Variants in ACKR2 observed in about 807,000 individuals in gnomAD.
ACKR2 encodes atypical chemokine receptor 2, also known as C-C chemokine receptor D6.
For missense variants in ACKR2, 457 were observed against 477.3 expected (o/e 0.96, Z 0.40); for synonymous variants, 207 against 192.2 (o/e 1.08, Z -0.64).
At chr3:42,827,336 A>G (rs192675923) in intron 2 of ACKR2, among the ~76,000 whole-genome samples, 3 of 152,212 alleles carry the variant, frequency 2.0e-5, no homozygotes, top group Non-Finnish European at 4.4e-5. Flanking sequence ...AGTAAAATGT[A>G]GTTTCTTCAT....
chr3:42,859,523 C>T (rs1357162141), intron 2 of ACKR2, among the ~76,000 whole-genome samples: 6 of 151,942 alleles, frequency 3.9e-5, no homozygotes, highest in African/African-American at 7.3e-5. Context: ...GGACTAGAGG[C>T]GCCCGCCACC....
intron 2 of ACKR2, among the ~76,000 whole-genome samples, chr3:42,830,721 T>C (rs1700923600): frequency 6.6e-6 from 1 of 151,942 alleles, no homozygotes; most frequent in African/African-American, 2.4e-5. Flanking sequence ...AAGTCTTTGT[T>C]GCTTCAGGCA....
intron 2 of ACKR2, among the ~76,000 whole-genome samples, chr3:42,820,444 T>C (rs1436269650): frequency 6.6e-6 from 1 of 151,682 alleles, no homozygotes; most frequent in Admixed American, 6.6e-5. Flanking sequence ...ATACAAAAAA[T>C]TAGCCAGATG....
At chr3:42,809,814 A>G (rs1700676306) in intron 1 of ACKR2, among the ~76,000 whole-genome samples, 1 of 151,790 alleles carries the variant, frequency 6.6e-6, no homozygotes, top group Admixed American at 6.6e-5. Context: ...GTGACCCGAG[A>G]TCGCGCCACT....
intron 2 of ACKR2, among the ~76,000 whole-genome samples, chr3:42,845,528 A>AT (rs372665346): frequency 1.3e-5 from 2 of 152,196 alleles, no homozygotes; most frequent in Non-Finnish European, 2.9e-5. Flanking sequence ...TATCTGGCTA[A>AT]TTTTTTTGTA....
chr3:42,826,905 G>A (rs1206289348), intron 2 of ACKR2, among the ~76,000 whole-genome samples: 1 of 151,978 alleles, frequency 6.6e-6, no homozygotes, highest in Non-Finnish European at 1.5e-5. Flanking sequence ...CCATAAGTTT[G>A]GTACATTTTA....
intron 1 of ACKR2, among the ~76,000 whole-genome samples, chr3:42,815,410 C>T (rs1229940125): frequency 6.6e-6 from 1 of 152,128 alleles, no homozygotes; most frequent in Non-Finnish European, 1.5e-5. Flanking sequence ...TGGCTAGGGG[C>T]CAGGCCATCA....
chr3:42,810,034 G>A (rs1335854013), intron 1 of ACKR2, among the ~76,000 whole-genome samples: 2 of 152,112 alleles, frequency 1.3e-5, no homozygotes, highest in East Asian at 1.9e-4. Context: ...TGCTTCTGAG[G>A]CCTTCACTTT....
chr3:42,846,312 T>G (rs1487837152), intron 2 of ACKR2, among the ~76,000 whole-genome samples: 1 of 152,198 alleles, frequency 6.6e-6, no homozygotes, highest in Non-Finnish European at 1.5e-5. Flanking sequence ...AACTGTTGAT[T>G]AGCTGTCAGC....
intron 1 of ACKR2, among the ~76,000 whole-genome samples, chr3:42,814,756 T>C (rs946305902): frequency 1.3e-5 from 2 of 152,182 alleles, no homozygotes; most frequent in Admixed American, 1.3e-4. Flanking sequence ...TAATTTATAA[T>C]CTAAGTAGGT....
chr3:42,820,822 G>T (rs1299373365), intron 2 of ACKR2, among the ~76,000 whole-genome samples: 2 of 151,678 alleles, frequency 1.3e-5, no homozygotes, highest in Non-Finnish European at 2.9e-5. Flanking sequence ...CTGGGCTAAG[G>T]TGCAGCTTGT....
At chr3:42,831,810 C>T (rs1700934607) in intron 2 of ACKR2, among the ~76,000 whole-genome samples, 1 of 152,208 alleles carries the variant, frequency 6.6e-6, no homozygotes, top group South Asian at 2.1e-4. Flanking sequence ...TTTCCCTGTT[C>T]AACTTACTGT....
At chr3:42,839,573 G>A (rs1007638) in intron 2 of ACKR2, among the ~76,000 whole-genome samples, 58,196 of 152,020 alleles carry the variant, frequency 0.38, 11,863 homozygotes, top group East Asian at 0.67. Context: ...AAAAGAATAT[G>A]TTCTATACGA....
At chr3:42,809,807 A>G (rs1700676143) in intron 1 of ACKR2, among the ~76,000 whole-genome samples, 1 of 151,506 alleles carries the variant, frequency 6.6e-6, no homozygotes, top group Non-Finnish European at 1.5e-5. Context: ...GGTTGCAGTG[A>G]CCCGAGATCG....
rs1193533555 is a variant in ACKR2, at chr3:42,828,092, A to ATATT, written c.-38+8382_-38+8383insATTT. ...GCTTGCATTATATATATATATATAT[A>ATATT]TTTTTTTTTTTTTCTTTTCTTTTCT... is the stretch of plus-strand genomic sequence containing the variant. On this transcript the variant is annotated intron_variant, in intron 2 of 2. Transcript: ENST00000422265. 4.7e-3 allele frequency among the ~76,000 whole-genome samples: 568 copies of ATATT among 121,876 alleles called. 3 individuals are homozygous for ATATT. The highest frequency in any genetic ancestry group is 0.014 in the African/African-American group (440 of 30,972). The allele number at this position is 121,876 out of a possible 152,430, so 80.0% of individuals were successfully genotyped here.
intron 2 of ACKR2, chr3:42,841,600 C>T (rs1385501272): frequency 6.6e-6 from 1 of 152,278 alleles, no homozygotes. Flanking sequence ...GTTTGTTAAA[C>T]AAGGCAAGAT....
chr3:42,810,444 C>A (rs6778695), intron 1 of ACKR2, among the ~76,000 whole-genome samples: 145,118 of 151,714 alleles, frequency 0.96, 69,751 homozygotes, highest in East Asian at 1. Flanking sequence ...GCCTTTTTTC[C>A]TCTTTGCCTT....
intron 1 of ACKR2, among the ~76,000 whole-genome samples, chr3:42,812,174 G>T (rs1700703899): frequency 6.6e-6 from 1 of 152,176 alleles, no homozygotes; most frequent in East Asian, 1.9e-4. Flanking sequence ...GTGTGGAGGG[G>T]CTGGCCCCCT....
At chr3:42,856,154 G>A (rs1223270740) in intron 2 of ACKR2, 5 of 500,384 alleles carry the variant, frequency 1.0e-5, no homozygotes, top group Non-Finnish European at 1.8e-5. Context: ...GAGAGGACAG[G>A]AAGACCAGCA....
Sources: allele counts gnomAD v4.1 joint callset (sites outside exome capture counted in the v4.1 genomes callset), GRCh38; gene constraint gnomAD v4.1.1; transcripts MANE v1.5; gene names NCBI Gene and HGNC (gene_info 2026-07-23, HGNC 2026-07-21).